The following ACTN2 variants were observed in gnomAD, a reference collection of about 807,000 sequenced individuals.
The protein encoded by ACTN2 is actinin alpha 2.
In ACTN2, 39 loss-of-function variants were observed where a neutral mutation model predicts 113.8. That is an observed-to-expected ratio of 0.34 (90% confidence interval 0.27 to 0.45). The LOEUF is 0.45. ACTN2 is among the 20% of genes least tolerant of loss of function. ACTN2 has a pLI of 1.00. For missense variants in ACTN2, 992 were observed against 1,177.9 expected (o/e 0.84, Z 2.31); for synonymous variants, 429 against 444.1 (o/e 0.97, Z 0.43).
At chr1:236,759,136 T>C (rs1436501355) in intron 18 of ACTN2, among the ~76,000 whole-genome samples, 1 of 152,182 alleles carries the variant, frequency 6.6e-6, no homozygotes, top group Non-Finnish European at 1.5e-5. Context: ...ATTGACGTTC[T>C]TATAGCTTCA....
chr1:236,741,326 G>C (rs1028189147), intron 10 of ACTN2, among the ~76,000 whole-genome samples: 1 of 152,154 alleles, frequency 6.6e-6, no homozygotes, highest in African/African-American at 2.4e-5. Flanking sequence ...AGGCATGAGC[G>C]AGCATGCCTG....
intron 1 of ACTN2, among the ~76,000 whole-genome samples, chr1:236,696,317 C>CA (rs11317690): frequency 9.0e-4 from 115 of 128,370 alleles, no homozygotes; most frequent in African/African-American, 2.0e-3. Context: ...GACTCTGTCT[C>CA]AAAAAAAAAA....
chr1:236,694,451 G>A (rs941004757), intron 1 of ACTN2, among the ~76,000 whole-genome samples: 24 of 151,674 alleles, frequency 1.6e-4, no homozygotes, highest in African/African-American at 5.6e-4. Flanking sequence ...TTGAACTCCA[G>A]ACTTCAAGTG....
chr1:236,725,634 A>AT (rs386640732), intron 4 of ACTN2, among the ~76,000 whole-genome samples: 12 of 15,584 alleles, frequency 7.7e-4, no homozygotes, highest in Non-Finnish European at 6.2e-3. Flanking sequence ...CTCAAAAAAA[A>AT]TTAAAAAAAG....
intron 4 of ACTN2, among the ~76,000 whole-genome samples, chr1:236,721,405 C>A (rs1399789870): frequency 3.3e-5 from 5 of 152,096 alleles, no homozygotes; most frequent in African/African-American, 1.2e-4. Flanking sequence ...ATGAAGCCTG[C>A]AGTACTTGCC....
intron 10 of ACTN2, among the ~76,000 whole-genome samples, chr1:236,741,817 T>C (rs902691471): frequency 6.6e-6 from 1 of 152,190 alleles, no homozygotes; most frequent in African/African-American, 2.4e-5. Flanking sequence ...GAATCAGATC[T>C]CATCTCCTTT....
chr1:236,716,420 G>A (rs144862422), intron 1 of ACTN2, among the ~76,000 whole-genome samples: 1 of 152,142 alleles, frequency 6.6e-6, no homozygotes, highest in African/African-American at 2.4e-5. Flanking sequence ...TTCTAATCTG[G>A]TTTTGGCAGG....
chr1:236,736,753 A>G (rs1658889574), intron 8 of ACTN2: 1 of 900,336 alleles, frequency 1.1e-6, no homozygotes, highest in African/African-American at 1.7e-5. Context: ...TCCCATCGTC[A>G]TGAGATCAGT....
chr1:236,745,950 T>G (rs1228946152), intron 12 of ACTN2, among the ~76,000 whole-genome samples: 1 of 151,444 alleles, frequency 6.6e-6, no homozygotes, highest in Non-Finnish European at 1.5e-5. Flanking sequence ...GATCACGAGG[T>G]CAGGAGATCA....
rs1659134407 is a variant in ACTN2 at position 236,743,489 on chromosome 1, C to G, written c.1255+446C>G. Among the ~76,000 whole-genome samples, 4 of 151,920 alleles carry G rather than the reference C, an allele frequency of 2.6e-5. No individual in the cohort carries two copies. In the South Asian group the frequency reaches 8.3e-4, roughly 32 times the overall value. ...ATGCAAGATATCATGTATAATCTAA[C>G]TTTCTTATTTCACTTGCATTCATCT... is the stretch of plus-strand genomic sequence containing the variant. On this transcript the variant is annotated intron_variant, in intron 11 of 20. Coordinates refer to ENST00000366578, the MANE Select transcript of ACTN2 (RefSeq NM_001103.4).
intron 7 of ACTN2, among the ~76,000 whole-genome samples, chr1:236,734,887 G>A (rs7536332): frequency 0.06 from 9,178 of 152,244 alleles, 335 homozygotes; most frequent in Middle Eastern, 0.11. Flanking sequence ...GCAACTTACC[G>A]AAAAATGGTG....
chr1:236,733,579 A>G (rs1399907414), intron 7 of ACTN2, among the ~76,000 whole-genome samples: 2 of 152,240 alleles, frequency 1.3e-5, no homozygotes, highest in Admixed American at 6.5e-5. Context: ...ATAATTGCTC[A>G]AAAGAATCTT....
At chr1:236,734,542 C>T (rs1453415911) in intron 7 of ACTN2, 1 of 1,473,758 alleles carries the variant, frequency 6.8e-7, no homozygotes, top group Non-Finnish European at 9.1e-7. Context: ...CCATGAGTCA[C>T]TGCTCACCCT....
chr1:236,705,325 AC>A (rs754981599), intron 1 of ACTN2, among the ~76,000 whole-genome samples: 6 of 152,236 alleles, frequency 3.9e-5, no homozygotes, highest in Non-Finnish European at 7.3e-5. Context: ...GTATTAAAAT[AC>A]AATTCTCAAA....
In ACTN2 at chr1:236,757,563, G is replaced by T. The variant is rs144676770; in HGVS notation, c.2232G>T (p.Thr744=). 1 of 1,614,030 alleles carries T rather than the reference G, an allele frequency of 6.2e-7. No individual in the cohort carries two copies. Among genetic ancestry groups the T allele is most frequent in the African/African-American group, 1.3e-5 (1 of 74,908 alleles). The change falls in exon 18 of 21, where the codon ACG becomes ACT. Residue 744 remains threonine (T), a synonymous_variant. Transcript: ENST00000366578. ...ATGAGGTGGAGACTCAGATCCTGAC[G>T]AGAGATGCGAAGGGCATCACCCAGG... ...TINEVETQIL[T]RDAKGITQEQ...
At chr1:236,719,918 A>G (rs1277795407) in intron 3 of ACTN2, among the ~76,000 whole-genome samples, 187 bp from the exon 4 acceptor site, 1 of 152,196 alleles carries the variant, frequency 6.6e-6, no homozygotes, top group East Asian at 1.9e-4. Flanking sequence ...TATTTAAACT[A>G]GAGACATTTG....
intron 15 of ACTN2, among the ~76,000 whole-genome samples, chr1:236,752,284 C>A (rs1382048566): frequency 1.3e-5 from 2 of 151,998 alleles, no homozygotes; most frequent in Non-Finnish European, 2.9e-5. Context: ...AGGAATAAGT[C>A]CACCACGTGG....
rs755645612 is a variant in ACTN2, at chr1:236,757,595, T to C, written c.2264T>C (p.Met755Thr). 1.1e-5 allele frequency: 17 copies of C among 1,614,204 alleles called. No individual in the cohort carries two copies. Among genetic ancestry groups the C allele is most frequent in the Non-Finnish European group, 1.4e-5 (17 of 1,180,046 alleles). The change falls in exon 18 of 21, where the codon ATG becomes ACG. Residue 755 changes from methionine (M) to threonine (T), a missense_variant. Physicochemically the swap from Met to Thr is moderately conservative, Grantham distance 81 (BLOSUM62 -1). Coordinates refer to ENST00000366578, the MANE Select transcript of ACTN2 (RefSeq NM_001103.4). ...GCGAAGGGCATCACCCAGGAGCAGA[T>C]GAATGAGTTCAGAGCCTCCTTCAAC... ...RDAKGITQEQ[M>T]NEFRASFNHF...
In ACTN2 at chr1:236,764,359, G is replaced by A. The variant is rs1033336246; in HGVS notation, c.*1740G>A. The A allele has an allele frequency of 6.6e-6, 1 of 152,174 alleles. No homozygotes were observed. The highest frequency in any genetic ancestry group is 1.5e-5 in the Non-Finnish European group (1 of 68,026). The allele number at this position is 152,174 out of a possible 1,614,324, so 9.4% of individuals were successfully genotyped here. A position where few individuals can be genotyped will look rare whatever the true frequency, so the allele number is the denominator to read the frequency against. On this transcript the variant is annotated 3_prime_UTR_variant, in exon 21 of 21. Coordinates refer to ENST00000366578, the MANE Select transcript of ACTN2 (RefSeq NM_001103.4). ...CCCTATAGAAAAGCCAGAAAGTTGT[G>A]CTTCCTTTGAGGCTATTAGGGGGCT...
Sources: gnomAD v4.1 joint callset for allele counts (sites outside exome capture counted in the v4.1 genomes callset) on GRCh38, gnomAD v4.1.1 for gene constraint, MANE v1.5 for transcripts, NCBI Gene and HGNC (gene_info 2026-07-23, HGNC 2026-07-21) for gene names.